Variants in ATG7 observed in about 807,000 individuals in gnomAD.
ATG7 encodes ubiquitin-like modifier-activating enzyme ATG7.
Under a neutral mutation model 82.4 loss-of-function variants are expected in ATG7, and 70 were observed. The observed-to-expected ratio is 0.85, with a 90% CI of 0.70 to 1.04. The LOEUF (loss-of-function observed/expected upper bound fraction) is 1.04. Ranked by LOEUF, ATG7 falls within the 50% of genes least tolerant of loss-of-function variation. The probability of loss-of-function intolerance (pLI) is 0.00; values close to 1 mark genes in which losing one functional copy is unlikely to be tolerated. For synonymous variants in ATG7, 287 were observed against 313.0 expected (o/e 0.92, Z 0.88); for missense variants, 792 against 864.3 (o/e 0.92, Z 1.05).
At chr3:11,563,757 G>A in the ATG7 span, among the ~76,000 whole-genome samples, 33 of 152,326 alleles carry the variant, frequency 2.2e-4, no homozygotes, top group East Asian at 3.5e-3. Context: ...GCAGGGGTCT[G>A]TGCCATTTTG....
intron 3 of ATG7, among the ~76,000 whole-genome samples, chr3:11,292,824 T>C (rs1280146747): frequency 6.7e-6 from 1 of 148,426 alleles, no homozygotes; most frequent in African/African-American, 2.5e-5. Flanking sequence ...CTCTATAAAA[T>C]TGGAGCTATT....
chr3:11,485,416 A>T (rs2089506857), intron 20 of ATG7, among the ~76,000 whole-genome samples: 1 of 151,966 alleles, frequency 6.6e-6, no homozygotes, highest in Non-Finnish European at 1.5e-5. Flanking sequence ...AATTTGTTTG[A>T]GTTCATTGTA....
intron 20 of ATG7, among the ~76,000 whole-genome samples, chr3:11,480,851 G>A (rs766167099): frequency 6.6e-6 from 1 of 152,174 alleles, no homozygotes; most frequent in African/African-American, 2.4e-5. Context: ...AGTCCTGGCC[G>A]GCTGGGCCTC....
chr3:11,573,312 GAAGGAAGAAAGAAAGAAAGA>G, the ATG7 span, among the ~76,000 whole-genome samples: 16 of 9,832 alleles, frequency 1.6e-3, 2 homozygotes, highest in East Asian at 7.8e-3. Flanking sequence ...AGAAAGGAAG[GAAGGAAGAAAGAAAGAAAGA>G]AAGAAAGAAA....
Position 11,497,365 on chromosome 3 carries a change from A to ATATG in ATG7, c.2080-57443_2080-57442insGTAT, listed in dbSNP as rs1468289467. On this transcript the variant is annotated intron_variant, in intron 20 of 20. Transcript: ENST00000693202. ...CGTCTGTACTAAAAATACTATATAT[A>ATATG]TATATATATATATATATATATATAT... Among the ~76,000 whole-genome samples, 41 of 66,172 alleles carry ATATG rather than the reference A, an allele frequency of 6.2e-4. 1 individual carries two copies. Among genetic ancestry groups the ATATG allele is most frequent in the African/African-American group, 2.2e-3 (40 of 17,910 alleles). 43.4% of individuals were successfully genotyped at this position (66,172 alleles called of 152,430 possible). A position where few individuals can be genotyped will look rare whatever the true frequency, so the allele number is the denominator to read the frequency against.
At chr3:11,358,733 G>A in intron 15 of ATG7, 121 bp downstream of exon 15, 4 of 1,047,562 alleles carry the variant, frequency 3.8e-6, no homozygotes, top group Non-Finnish European at 2.7e-6. Context: ...GTAGCATAGT[G>A]CCAAAGGGCT....
intron 20 of ATG7, among the ~76,000 whole-genome samples, chr3:11,507,788 G>A (rs940618766): frequency 4.6e-5 from 7 of 152,104 alleles, no homozygotes; most frequent in Admixed American, 1.3e-4. Context: ...CACTCTAGAT[G>A]TGGGAAGGAA....
chr3:11,365,290 T>A (rs927910933), intron 18 of ATG7, among the ~76,000 whole-genome samples: 1 of 152,128 alleles, frequency 6.6e-6, no homozygotes, highest in Non-Finnish European at 1.5e-5. Context: ...AAAACCTTTA[T>A]AGGCAGGCAT....
At chr3:11,345,782 CCTT>C (rs1168800764) in intron 13 of ATG7, among the ~76,000 whole-genome samples, 3 of 151,948 alleles carry the variant, frequency 2.0e-5, no homozygotes, top group African/African-American at 4.8e-5. Context: ...ATTTTTTCCT[CCTT>C]CTGTGGAATT....
intron 14 of ATG7, among the ~76,000 whole-genome samples, chr3:11,353,456 G>T (rs1395823443): frequency 6.6e-6 from 1 of 152,026 alleles, no homozygotes; most frequent in Non-Finnish European, 1.5e-5. Context: ...AAAGAAAAAA[G>T]AAAAAGTTTA....
intron 20 of ATG7, among the ~76,000 whole-genome samples, chr3:11,504,496 C>G (rs1212501964): frequency 6.6e-6 from 1 of 152,164 alleles, no homozygotes; most frequent in Non-Finnish European, 1.5e-5. Flanking sequence ...AAGGCATCCT[C>G]AAAACAGTAG....
chr3:11,461,381 A>C (rs1030401148), intron 20 of ATG7, among the ~76,000 whole-genome samples: 2 of 152,202 alleles, frequency 1.3e-5, no homozygotes, highest in African/African-American at 4.8e-5. Context: ...CTTTGTATTC[A>C]GAGAGCTTTG....
At chr3:11,286,387 A>T (rs773214962) in intron 3 of ATG7, among the ~76,000 whole-genome samples, 12 of 152,130 alleles carry the variant, frequency 7.9e-5, no homozygotes, top group Non-Finnish European at 1.6e-4. Flanking sequence ...GACCTAAGTT[A>T]TATGGCATAT....
At chr3:11,342,425 G>A (rs768171397) in intron 13 of ATG7, 146 bp downstream of exon 13, 93 of 1,122,930 alleles carry the variant, frequency 8.3e-5, no homozygotes, top group Non-Finnish European at 1.1e-4. Context: ...ATCTTTTTAA[G>A]TGTAAAAGAA....
chr3:11,560,922 G>A (rs2072929201), downstream of ATG7, among the ~76,000 whole-genome samples: 1 of 152,188 alleles, frequency 6.6e-6, no homozygotes, highest in South Asian at 2.1e-4. Context: ...GGCTCGGAAA[G>A]GGGGTTGGGG....
chr3:11,362,766 G>A (rs1442519668), intron 16 of ATG7, 47 bp from the exon 17 acceptor site: 1 of 1,503,928 alleles, frequency 6.6e-7, no homozygotes, highest in Non-Finnish European at 9.2e-7. Flanking sequence ...AGCTAGAGTT[G>A]AATGGAGTAG....
At chr3:11,331,219 G>T in intron 9 of ATG7, 121 bp from the exon 10 acceptor site, 1 of 804,510 alleles carries the variant, frequency 1.2e-6, no homozygotes, top group Non-Finnish European at 2.1e-6. Context: ...CCCTTTACCA[G>T]ATGTTTAATT....
intron 18 of ATG7, among the ~76,000 whole-genome samples, chr3:11,370,651 C>T (rs1230436065): frequency 6.6e-6 from 1 of 151,064 alleles, no homozygotes; most frequent in East Asian, 1.9e-4. Context: ...ATCTTAGCCT[C>T]CCATCGAGGC....
chr3:11,532,180 C>T (rs1267984167), intron 20 of ATG7, among the ~76,000 whole-genome samples: 5 of 152,116 alleles, frequency 3.3e-5, no homozygotes, highest in Non-Finnish European at 5.9e-5. Flanking sequence ...ATTCAACAAG[C>T]GTGTATTGAG....
Sources: gnomAD v4.1 joint callset for allele counts (sites outside exome capture counted in the v4.1 genomes callset) on GRCh38, gnomAD v4.1.1 for gene constraint, MANE v1.5 for transcripts, NCBI Gene and HGNC (gene_info 2026-07-23, HGNC 2026-07-21) for gene names.